ILF2: variants seen among roughly 807,000 people sequenced by gnomAD.
ILF2 encodes interleukin enhancer-binding factor 2.
ILF2 carries 9 observed loss-of-function variants against 55.3 expected under a neutral mutation model. The observed-to-expected ratio is 0.16, with a 90% CI of 0.10 to 0.28. ILF2 has a LOEUF of 0.28. Ranked by LOEUF, ILF2 falls within the 10% of genes least tolerant of loss-of-function variation. The probability of loss-of-function intolerance (pLI) is 1.00; values close to 1 mark genes in which losing one functional copy is unlikely to be tolerated. For missense variants in ILF2, 266 were observed against 474.9 expected (o/e 0.56, Z 4.09); for synonymous variants, 151 against 161.8 (o/e 0.93, Z 0.50).
At position 153,668,540 on chromosome 1, in the gene ILF2, G is replaced by A; in HGVS notation, c.126C>T (p.Pro42=). The A allele has an allele frequency of 6.2e-7, 1 of 1,613,714 alleles. No individual in the cohort carries two copies. The highest frequency in any genetic ancestry group is 1.1e-5 in the South Asian group (1 of 91,022). ...FDFYLCEMAF[P]RVKPAPDETS... ...TTTCATCAGGTGCTGGCTTGACCCG[G>A]GGAAAGGCCATTTCACACTAAACCA... Residue 42 remains proline, a synonymous_variant, in exon 4 of 14, where the codon CCC becomes CCT. Coordinates refer to ENST00000361891, the MANE Select transcript of ILF2 (RefSeq NM_004515.4).
intron 6 of ILF2, chr1:153,667,340 T>C (rs1369749968): frequency 7.7e-5 from 45 of 582,566 alleles, no homozygotes; most frequent in Middle Eastern, 4.6e-4. Flanking sequence ...TAGCTGGGTG[T>C]GGTAGCACAC....
At position 153,664,131 on chromosome 1, in the gene ILF2, C is replaced by G. The variant is rs1313113536; in HGVS notation, c.657-1G>C. Reference sequence around the variant, plus strand: ...CAGTAGTCTGATGAGAACTTTAACTCTGAAAGTAATAGTGACCCAAACATT... The same window carrying G: ...CAGTAGTCTGATGAGAACTTTAACTGTGAAAGTAATAGTGACCCAAACATT... On this transcript the variant is annotated splice_acceptor_variant, in intron 9 of 13. Transcript: ENST00000361891. LOFTEE classifies it high-confidence loss of function. 1 of 1,600,758 alleles carries G rather than the reference C, an allele frequency of 6.2e-7. No homozygotes were observed. Among genetic ancestry groups the G allele is most frequent in the Non-Finnish European group, 8.6e-7 (1 of 1,169,116 alleles).
At chr1:153,670,623 G>A (rs1351788228) in intron 1 of ILF2, among the ~76,000 whole-genome samples, 3 of 152,026 alleles carry the variant, frequency 2.0e-5, no homozygotes, top group South Asian at 2.1e-4. Flanking sequence ...TGACGGGGGC[G>A]GGGGAAAGGT....
Position 153,662,494 on chromosome 1 carries a change from C to T in ILF2, c.1075G>A (p.Glu359Lys). 1 of 1,613,856 alleles carries T rather than the reference C, an allele frequency of 6.2e-7. No homozygotes were observed. Among genetic ancestry groups the T allele is most frequent in the South Asian group, 1.1e-5 (1 of 91,076 alleles). ...VIVTPSEKAY[E>K]KPPEKKEGEE... ...CCTTCCTTCTTCTCTGGTGGCTTCT[C>T]ATAAGCCTTTTCTGAAGGTGTTACT... The change falls in exon 14 of 14, where the codon GAG (glutamate) becomes AAG (lysine). Residue 359 changes from glutamate (E) to lysine (K), a missense_variant. Physicochemically the swap from Glu to Lys is moderately conservative, Grantham distance 56 (BLOSUM62 1). Transcript: ENST00000361891.
intron 6 of ILF2, among the ~76,000 whole-genome samples, chr1:153,667,062 C>G (rs1396462185): frequency 6.6e-6 from 1 of 152,194 alleles, no homozygotes; most frequent in African/African-American, 2.4e-5. Context: ...GTGGAGGTTG[C>G]AGTGAACCGA....
chr1:153,662,172 A>C lies in ILF2; in HGVS notation c.*224T>G. 2.0e-6 allele frequency: 1 copy of C among 497,902 alleles called. No individual in the cohort carries two copies. The highest frequency in any genetic ancestry group is 3.6e-6 in the Non-Finnish European group (1 of 280,310). 30.8% of individuals were successfully genotyped at this position (497,902 alleles called of 1,614,324 possible). On this transcript the variant is annotated 3_prime_UTR_variant, in exon 14 of 14. Transcript: ENST00000361891. ...TTGGAGATTATAGAATATTAGGAAG[A>C]AATGTTGGTATCCTCCATTATAGAT...
chr1:153,665,339 GA>G lies in ILF2; in HGVS notation c.461-4del. ...TTCGTTGGTCAGCATGGTTAAAACT[GA>G]AAAAACAGAATAAACAAAAACTATA... On this transcript the variant is annotated splice_polypyrimidine_tract_variant and splice_region_variant and intron_variant, in intron 7 of 13. Transcript: ENST00000361891. The G allele has an allele frequency of 1.3e-6, 2 of 1,558,688 alleles. No individual in the cohort carries two copies. Among genetic ancestry groups the G allele is most frequent in the Non-Finnish European group, 1.8e-6 (2 of 1,130,992 alleles).
chr1:153,664,024 A>C lies in ILF2; in HGVS notation c.744+19T>G. ...TAAATAAGGATGATGAGGAACTCCA[A>C]TTGCCCATCTTTACTTACTAGTAGG... On this transcript the variant is annotated intron_variant, in intron 10 of 13. Coordinates refer to ENST00000361891, the MANE Select transcript of ILF2 (RefSeq NM_004515.4). The C allele has an allele frequency of 3.4e-6, 5 of 1,472,500 alleles. No individual in the cohort carries two copies. The highest frequency in any genetic ancestry group is 4.7e-6 in the Non-Finnish European group (5 of 1,055,038). 91.2% of individuals were successfully genotyped at this position (1,472,500 alleles called of 1,614,324 possible).
intron 1 of ILF2, among the ~76,000 whole-genome samples, 177 bp from the exon 2 acceptor site, chr1:153,670,407 G>C (rs976233748): frequency 6.6e-6 from 1 of 151,966 alleles, no homozygotes; most frequent in Non-Finnish European, 1.5e-5. Flanking sequence ...CCTCCTCTAA[G>C]TTAATCCAAC....
rs745369608 is a variant in ILF2 at position 153,662,999 on chromosome 1, G to A, written c.921+20C>T. The A allele has an allele frequency of 6.3e-7, 1 of 1,589,250 alleles. No individual in the cohort carries two copies. Among genetic ancestry groups the A allele is most frequent in the South Asian group, 1.1e-5 (1 of 90,444 alleles). ...CAAAAGAGTGGGGCAAAACAACTCAGTTCATATCTGTCCCAATACCTGCTG... is the reference window on the plus strand; with the variant it reads ...CAAAAGAGTGGGGCAAAACAACTCAATTCATATCTGTCCCAATACCTGCTG... On this transcript the variant is annotated intron_variant, in intron 12 of 13. Transcript: ENST00000361891.
chr1:153,667,738 G>T, intron 5 of ILF2, 81 bp from the exon 6 acceptor site: 1 of 943,790 alleles, frequency 1.1e-6, no homozygotes, highest in Non-Finnish European at 1.6e-6. Context: ...TTACAACACA[G>T]CTACCTGTTA....
At position 153,664,138 on chromosome 1, in the gene ILF2, T is replaced by G. The variant is rs1317405896; in HGVS notation, c.657-8A>C. On this transcript the variant is annotated splice_polypyrimidine_tract_variant and splice_region_variant and intron_variant, in intron 9 of 13. Transcript: ENST00000361891. Reference sequence around the variant, plus strand: ...CTGATGAGAACTTTAACTCTGAAAGTAATAGTGACCCAAACATTAAAATCA... The same window carrying G: ...CTGATGAGAACTTTAACTCTGAAAGGAATAGTGACCCAAACATTAAAATCA... 1 of 1,574,766 alleles carries G rather than the reference T, an allele frequency of 6.4e-7. No individual in the cohort carries two copies. Among genetic ancestry groups the G allele is most frequent in the East Asian group, 2.2e-5 (1 of 44,706 alleles).
At chr1:153,664,502 A>G (rs1289962575) in intron 8 of ILF2, 28 bp from the exon 9 acceptor site, 21 of 1,557,024 alleles carry the variant, frequency 1.3e-5, no homozygotes, top group Non-Finnish European at 1.9e-5. Context: ...ATATGCCAGG[A>G]TGAAACATTT....
At chr1:153,663,896 G>A in intron 10 of ILF2, 147 bp downstream of exon 10, 1 of 418,972 alleles carries the variant, frequency 2.4e-6, no homozygotes, top group Non-Finnish European at 4.4e-6. Flanking sequence ...TGGATTACTT[G>A]TCTACCAATA....
chr1:153,663,982 AC>A, intron 10 of ILF2, 60 bp downstream of exon 10: 1 of 845,508 alleles, frequency 1.2e-6, no homozygotes, highest in Non-Finnish European at 2.0e-6. Flanking sequence ...TACTACTACT[AC>A]TACTACTACT....
Position 153,663,996 on chromosome 1 carries a change from T to TACTACC in ILF2, c.744+46_744+47insGGTAGT, listed in dbSNP as rs527872479. On this transcript the variant is annotated intron_variant, in intron 10 of 13. Coordinates refer to ENST00000361891, the MANE Select transcript of ILF2 (RefSeq NM_004515.4). ...CTACTACTACTACTACTACTACTAC[T>TACTACC]AGTAAATAAGGATGATGAGGAACTC... is the stretch of plus-strand genomic sequence containing the variant. The TACTACC allele has an allele frequency of 5.0e-4, 219 of 433,918 alleles. 15 individuals carry two copies. Among genetic ancestry groups the TACTACC allele is most frequent in the South Asian group, 2.6e-3 (70 of 26,478 alleles). 26.9% of individuals were successfully genotyped at this position (433,918 alleles called of 1,614,324 possible).
intron 7 of ILF2, 141 bp downstream of exon 7, chr1:153,665,522 C>A: frequency 1.2e-6 from 1 of 820,398 alleles, no homozygotes; most frequent in South Asian, 1.4e-5. Context: ...ACACCTGAAG[C>A]CCCTGCCAAA....
chr1:153,665,532 A>G (rs768228614), intron 7 of ILF2, 131 bp downstream of exon 7: 42 of 895,040 alleles, frequency 4.7e-5, no homozygotes, highest in East Asian at 1.2e-4. Flanking sequence ...CCCCTGCCAA[A>G]AACTCCCACA....
intron 12 of ILF2, 22 bp from the exon 13 acceptor site, chr1:153,662,817 G>A: frequency 1.3e-6 from 2 of 1,597,438 alleles, no homozygotes; most frequent in South Asian, 1.1e-5. Flanking sequence ...CAAAGTGAGA[G>A]TAAGCAAGGA....
Sources: allele counts gnomAD v4.1 joint callset (sites outside exome capture counted in the v4.1 genomes callset), GRCh38; gene constraint gnomAD v4.1.1; transcripts MANE v1.5; gene names NCBI Gene and HGNC (gene_info 2026-07-23, HGNC 2026-07-21).